The following PREX2 variants were observed in gnomAD, a reference collection of about 807,000 sequenced individuals.
The protein encoded by PREX2 is phosphatidylinositol 3,4,5-trisphosphate-dependent Rac exchanger 2 protein.
PREX2 carries 107 observed loss-of-function variants against 203.2 expected under a neutral mutation model. That is an observed-to-expected ratio of 0.53 (90% CI 0.45 to 0.62). The LOEUF is 0.62. Among genes scored for constraint, PREX2 ranks in the 20% least tolerant of loss-of-function variants. PREX2 has a pLI of 0.00. For missense variants in PREX2, 1,777 were observed against 1,955.9 expected (o/e 0.91, Z 1.72); for synonymous variants, 672 against 663.6 (o/e 1.01, Z -0.19).
intron 33 of PREX2, among the ~76,000 whole-genome samples, chr8:68,139,634 C>T (rs867905636): frequency 3.9e-5 from 6 of 152,124 alleles, no homozygotes; most frequent in African/African-American, 7.2e-5. Flanking sequence ...AGAAAGCTAC[C>T]TCTCCCAGGT....
chr8:68,088,095 T>C (rs535896974), intron 19 of PREX2, among the ~76,000 whole-genome samples: 1 of 152,344 alleles, frequency 6.6e-6, no homozygotes, highest in East Asian at 1.9e-4. Flanking sequence ...ATTTTCTATT[T>C]GTATTTTTCT....
chr8:68,208,267 T>C (rs1812676578), intron 37 of PREX2, among the ~76,000 whole-genome samples: 1 of 152,202 alleles, frequency 6.6e-6, no homozygotes, highest in South Asian at 2.1e-4. Context: ...ACTGTACACA[T>C]GCATTAATCT....
chr8:68,223,528 A>G (rs187031662), intron 38 of PREX2: 2 of 151,996 alleles, frequency 1.3e-5, no homozygotes, highest in East Asian at 3.9e-4. Flanking sequence ...TTCCTATTTT[A>G]CGTCCTTTTT....
chr8:68,132,611 G>A (rs16934215), intron 31 of PREX2, among the ~76,000 whole-genome samples: 17,230 of 152,096 alleles, frequency 0.11, 1,245 homozygotes, highest in East Asian at 0.2. Context: ...CAGATGTTCA[G>A]TGTTCTTGGT....
chr8:68,189,539 C>G (rs187013172), intron 35 of PREX2, among the ~76,000 whole-genome samples: 5 of 152,230 alleles, frequency 3.3e-5, no homozygotes, highest in African/African-American at 1.2e-4. Flanking sequence ...TCAAATGAGA[C>G]CTTTGATTTT....
intron 17 of PREX2, among the ~76,000 whole-genome samples, chr8:68,081,990 C>G (rs535835897): frequency 2.9e-4 from 44 of 152,122 alleles, no homozygotes; most frequent in Non-Finnish European, 6.0e-4. Context: ...AGACACTGCA[C>G]CCAGCAACTT....
At chr8:67,980,824 T>A (rs182336573) in intron 1 of PREX2, among the ~76,000 whole-genome samples, 1 of 152,354 alleles carries the variant, frequency 6.6e-6, no homozygotes, top group East Asian at 1.9e-4. Flanking sequence ...CCTTCTGTCA[T>A]GATCGTAAGT....
intron 1 of PREX2, among the ~76,000 whole-genome samples, chr8:67,966,936 G>A (rs1219787466): frequency 6.6e-6 from 1 of 152,158 alleles, no homozygotes; most frequent in Non-Finnish European, 1.5e-5. Context: ...TAACCTAGGA[G>A]CTACAAGATA....
chr8:68,152,289 G>GAAAGAGAAAAAAAA (rs1811451723), intron 34 of PREX2, among the ~76,000 whole-genome samples: 1 of 72,920 alleles, frequency 1.4e-5, no homozygotes, highest in Non-Finnish European at 2.4e-5. Context: ...CCCTCTCAGA[G>GAAAGAGAAAAAAAA]AAAAAAAAAA....
chr8:68,142,907 C>A (rs1452036466), intron 33 of PREX2, among the ~76,000 whole-genome samples: 5 of 152,052 alleles, frequency 3.3e-5, no homozygotes, highest in Admixed American at 2.6e-4. Context: ...TTTTTCCCTC[C>A]AGTGATGAAT....
intron 1 of PREX2, among the ~76,000 whole-genome samples, chr8:67,986,592 A>C (rs1444721129): frequency 6.6e-6 from 1 of 152,194 alleles, no homozygotes; most frequent in Non-Finnish European, 1.5e-5. Flanking sequence ...CATTGGGTTT[A>C]AGTCATAGAT....
chr8:68,085,883 A>T (rs1053394664), intron 18 of PREX2, among the ~76,000 whole-genome samples: 1 of 152,194 alleles, frequency 6.6e-6, no homozygotes, highest in Non-Finnish European at 1.5e-5. Flanking sequence ...TCAAAATCCA[A>T]AAGCAACAAT....
chr8:67,980,633 TCCCCA>T (rs1387557846), intron 1 of PREX2, among the ~76,000 whole-genome samples: 3 of 152,164 alleles, frequency 2.0e-5, no homozygotes, highest in African/African-American at 7.2e-5. Context: ...ATTGTCATAA[TCCCCA>T]TGTGTCAAGG....
At chr8:68,100,708 G>A (rs1306388339) in intron 23 of PREX2, among the ~76,000 whole-genome samples, 1 of 152,158 alleles carries the variant, frequency 6.6e-6, no homozygotes, top group African/African-American at 2.4e-5. Flanking sequence ...GGCAGCTCCT[G>A]TACATTTTGG....
intron 1 of PREX2, among the ~76,000 whole-genome samples, chr8:67,995,569 T>G (rs1806742371): frequency 6.6e-6 from 1 of 152,218 alleles, no homozygotes; most frequent in Admixed American, 6.5e-5. Context: ...ATTGTCAACG[T>G]GAGTGAAAAA....
At chr8:68,098,757 A>G (rs996008986) in intron 22 of PREX2, among the ~76,000 whole-genome samples, 1 of 151,914 alleles carries the variant, frequency 6.6e-6, no homozygotes, top group Non-Finnish European at 1.5e-5. Flanking sequence ...GTTCTAGACT[A>G]GTGATTAAAT....
chr8:68,200,615 T>C (rs2129614879), intron 37 of PREX2, among the ~76,000 whole-genome samples: 1 of 152,244 alleles, frequency 6.6e-6, no homozygotes, highest in Admixed American at 6.5e-5. Context: ...TCTCTTTTTT[T>C]TTTGCTTGAT....
At chr8:68,201,811 C>T (rs1049549640) in intron 37 of PREX2, among the ~76,000 whole-genome samples, 1 of 151,392 alleles carries the variant, frequency 6.6e-6, no homozygotes, top group Non-Finnish European at 1.5e-5. Context: ...TGATGTTGAT[C>T]GTAAACTGGC....
chr8:68,219,821 A>T (rs1022649323), intron 38 of PREX2, among the ~76,000 whole-genome samples: 1 of 152,142 alleles, frequency 6.6e-6, no homozygotes, highest in African/African-American at 2.4e-5. Context: ...ACTCTTACCT[A>T]CCTATGATTT....
Sources: gnomAD v4.1 joint callset for allele counts (sites outside exome capture counted in the v4.1 genomes callset) on GRCh38, gnomAD v4.1.1 for gene constraint, MANE v1.5 for transcripts, NCBI Gene and HGNC (gene_info 2026-07-23, HGNC 2026-07-21) for gene names.